Variants in PCDH1 observed in about 807,000 individuals in gnomAD.
PCDH1 encodes protocadherin 1, also known as protocadherin-1.
Under a neutral mutation model 74.6 loss-of-function variants are expected in PCDH1, and 23 were observed. The ratio of observed to expected loss-of-function variants is 0.31; its 90% confidence interval spans 0.22 to 0.44. The LOEUF is 0.44. PCDH1 is among the 20% of genes least tolerant of loss of function. The pLI is 1.00. For synonymous variants in PCDH1, 647 were observed against 686.1 expected (o/e 0.94, Z 0.89); for missense variants, 1,214 against 1,641.4 (o/e 0.74, Z 4.50).
chr5:141,876,130 G>C (rs1044535110), intron 1 of PCDH1, among the ~76,000 whole-genome samples: 2 of 152,170 alleles, frequency 1.3e-5, no homozygotes, highest in African/African-American at 2.4e-5. Context: ...TGTGTGTGTT[G>C]CGGAGATTAG....
intron 1 of PCDH1, among the ~76,000 whole-genome samples, chr5:141,870,770 C>G (rs1753073584): frequency 6.6e-6 from 1 of 152,110 alleles, no homozygotes; most frequent in Admixed American, 6.5e-5. Context: ...TTGAATGCCC[C>G]CTCCTCTCCA....
chr5:141,872,179 C>A (rs1398986061), intron 1 of PCDH1, among the ~76,000 whole-genome samples: 1 of 130,328 alleles, frequency 7.7e-6, no homozygotes, highest in Admixed American at 9.2e-5. Flanking sequence ...CTGACTACTT[C>A]AACCCCAACC....
chr5:141,868,704 G>A lies in PCDH1; in HGVS notation c.768C>T (p.Gly256=), dbSNP rs759847506. 3 of 1,613,994 alleles carry A rather than the reference G, an allele frequency of 1.9e-6. No homozygotes were observed. Among genetic ancestry groups the A allele is most frequent in the Non-Finnish European group, 2.5e-6 (3 of 1,179,912 alleles). Residue 256 remains glycine, a synonymous_variant, in exon 2 of 5, where the codon GGC becomes GGT. Coordinates refer to ENST00000287008, the MANE Select transcript of PCDH1 (RefSeq NM_032420.5). The surrounding 1 kb of genome is among the most constrained non-coding windows in gnomAD (Gnocchi z 4.8). ...GGGCACTGCTGGCGCGTGGGGGGCT[G>A]CCGCCATCCTGCACCTTGATGGTGA... ...YDLTIKVQDG[G]SPPRASSALL...
At position 141,878,218 on chromosome 5, in the gene PCDH1, C is replaced by G. The variant is rs979692614; in HGVS notation, c.40+5G>C. Reference sequence around the variant, plus strand: ...CTGCTGCCTCCACCGCCGCCGGATCCTTACCCGCCTCCGGGCAGCGCCGGC... The same window carrying G: ...CTGCTGCCTCCACCGCCGCCGGATCGTTACCCGCCTCCGGGCAGCGCCGGC... On this transcript the variant is annotated splice_donor_5th_base_variant and intron_variant, in intron 1 of 4. Transcript: ENST00000287008. The surrounding 1 kb of genome is among the most constrained non-coding windows in gnomAD (Gnocchi z 5.5). 7.0e-7 allele frequency: 1 copy of G among 1,420,608 alleles called. No homozygotes were observed. The highest frequency in any genetic ancestry group is 1.5e-5 in the African/African-American group (1 of 66,952). The allele number at this position is 1,420,608 out of a possible 1,614,324, so 88.0% of individuals were successfully genotyped here. A position where few individuals can be genotyped will look rare whatever the true frequency, so the allele number is the denominator to read the frequency against.
chr5:141,872,836 G>T (rs1225433316), intron 1 of PCDH1, among the ~76,000 whole-genome samples: 2 of 152,200 alleles, frequency 1.3e-5, no homozygotes, highest in African/African-American at 4.8e-5. Context: ...GCTCAAGGAA[G>T]GTATGGGATG....
intron 2 of PCDH1, chr5:141,867,695 T>C (rs1259620724): frequency 4.8e-6 from 2 of 420,714 alleles, no homozygotes; most frequent in Non-Finnish European, 4.6e-6. Context: ...TTTTCCAGGA[T>C]GGGTAATGGT....
chr5:141,856,973 T>TC (rs1314610128), intron 4 of PCDH1, among the ~76,000 whole-genome samples: 4 of 152,178 alleles, frequency 2.6e-5, no homozygotes, highest in Admixed American at 2.6e-4. Flanking sequence ...TGGGTTTGAA[T>TC]CCCTCCCAGG....
intron 3 of PCDH1, chr5:141,862,886 C>T: frequency 8.4e-7 from 1 of 1,192,576 alleles, no homozygotes; most frequent in Non-Finnish European, 1.0e-6. Context: ...GAGTAGACTT[C>T]TTACCCATTT....
At chr5:141,859,126 G>A (rs749422441) in intron 3 of PCDH1, among the ~76,000 whole-genome samples, 4 of 152,134 alleles carry the variant, frequency 2.6e-5, no homozygotes, top group Non-Finnish European at 5.9e-5. Context: ...GTTTGGGGCC[G>A]GGAGGCTATA....
chr5:141,872,059 A>T (rs1490650231), intron 1 of PCDH1, among the ~76,000 whole-genome samples: 8 of 151,940 alleles, frequency 5.3e-5, no homozygotes, highest in Admixed American at 5.2e-4. Flanking sequence ...GCGTTATCAG[A>T]TTGGTGTGAA....
Position 141,863,324 on chromosome 5 carries a change from ATG to A in PCDH1, c.3005_3006del (p.Thr1002IlefsTer13). On this transcript the variant is annotated frameshift_variant, in exon 3 of 5. Transcript: ENST00000287008. LOFTEE classifies it high-confidence loss of function. The surrounding 1 kb of genome is among the most constrained non-coding windows in gnomAD (Gnocchi z 7.5). ...GACGTGGTGTCCCCGGTGCCCACGA[ATG>A]TGTTTGCAGGTGGCAGGTCCTGTAC... ...QVVQDLPPANTFVGTGDTTST... is the reference protein window; with the variant it reads ...QVVQDLPPANXFVGTGDTTST... 6.5e-7 allele frequency: 1 copy of A among 1,549,254 alleles called. No homozygotes were observed. The highest frequency in any genetic ancestry group is 8.7e-7 in the Non-Finnish European group (1 of 1,146,508).
chr5:141,872,120 CA>C (rs1753108731), intron 1 of PCDH1, among the ~76,000 whole-genome samples: 2 of 130,498 alleles, frequency 1.5e-5, no homozygotes, highest in African/African-American at 6.7e-5. Context: ...CATTTGGATC[CA>C]CCCCCCACCC....
rs577706857 is a variant in PCDH1, at chr5:141,870,256, G to A, written c.41-825C>T. On this transcript the variant is annotated intron_variant, in intron 1 of 4. Coordinates refer to ENST00000287008, the MANE Select transcript of PCDH1 (RefSeq NM_032420.5). ...AGAACGTGCACACAGGCCACAGAGC[G>A]TGCACACATGCCCCAGAGCATGCAC... Among the ~76,000 whole-genome samples, 137 of 152,150 alleles carry A rather than the reference G, an allele frequency of 9.0e-4. 1 individual carries two copies. In the South Asian group the frequency reaches 0.016, roughly 18 times the overall value.
chr5:141,869,310 T>G lies in PCDH1; in HGVS notation c.162A>C (p.Pro54=), dbSNP rs1388880501. The G allele has an allele frequency of 3.7e-6, 6 of 1,602,104 alleles. No homozygotes were observed. The highest frequency in any genetic ancestry group is 5.1e-6 in the Non-Finnish European group (6 of 1,174,918). Residue 54 remains proline (P), a synonymous_variant, in exon 2 of 5, where the codon CCA becomes CCC. Coordinates refer to ENST00000287008, the MANE Select transcript of PCDH1 (RefSeq NM_032420.5). This position sits in a 1 kb window ranked among gnomAD's most constrained non-coding sequence, Gnocchi z 4.9. The part of the protein sequence containing the change: ...LALLLLLAPS[P]GHATRVVYKV... ...TGTACACTACCCGAGTGGCGTGGCC[T>G]GGGGATGGAGCCAGCAGGAGCAGCA...
At chr5:141,874,893 C>T (rs907353270) in intron 1 of PCDH1, among the ~76,000 whole-genome samples, 3 of 152,050 alleles carry the variant, frequency 2.0e-5, no homozygotes, top group Non-Finnish European at 4.4e-5. Flanking sequence ...CAGAAGCCTC[C>T]CACAGAGAGC....
In PCDH1 at chr5:141,863,452, G is replaced by A. The variant is rs1752659100; in HGVS notation, c.2879C>T (p.Pro960Leu). The change falls in exon 3 of 5, where the codon CCA (proline) becomes CTA (leucine). Residue 960 changes from proline to leucine, a missense_variant. Transcript: ENST00000287008. The surrounding 1 kb of genome is among the most constrained non-coding windows in gnomAD (Gnocchi z 7.5). ...PRIHLPLNYP[P>L]GSPDLGRHYR... ...GTGGCGGCCCAGGTCAGGGCTGCCT[G>A]GTGGGTAGTTGAGGGGCAGGTGGAT... The A allele has an allele frequency of 4.4e-6, 7 of 1,575,686 alleles. No individual in the cohort carries two copies. The East Asian group carries it at 1.1e-4, about 25-fold the overall frequency.
Position 141,854,281 on chromosome 5 carries a change from G to T in PCDH1, c.3475C>A (p.Gln1159Lys). The change falls in exon 5 of 5, where the codon CAG becomes AAG. Residue 1159 changes from glutamine to lysine, a missense_variant. Transcript: ENST00000287008. The stretch of plus-strand genomic sequence containing the variant: ...GCAGGCTCCTGCCCTCCTCGGTCCT[G>T]GTAAGGCACGAAGGTGGAGAGTTTG... Reference protein sequence around the residue: ...ALKLSTFVPYQDRGGQEPAGA... With the variant: ...ALKLSTFVPYKDRGGQEPAGA... The T allele has an allele frequency of 6.2e-7, 1 of 1,613,774 alleles. No homozygotes were observed. The highest frequency in any genetic ancestry group is 8.5e-7 in the Non-Finnish European group (1 of 1,179,878).
At chr5:141,872,609 G>A (rs535990225) in intron 1 of PCDH1, among the ~76,000 whole-genome samples, 3 of 152,186 alleles carry the variant, frequency 2.0e-5, no homozygotes, top group African/African-American at 7.2e-5. Context: ...CCTGCCTCAG[G>A]CTTCCTCCAT....
chr5:141,867,411 C>A, intron 2 of PCDH1: 1 of 344,476 alleles, frequency 2.9e-6, no homozygotes, highest in South Asian at 2.3e-5. Flanking sequence ...GGATATCAGG[C>A]GAGTTTTCTA....
Sources: allele counts gnomAD v4.1 joint callset (sites outside exome capture counted in the v4.1 genomes callset), GRCh38; gene constraint gnomAD v4.1.1; non-coding constraint Gnocchi (gnomAD v3.1); transcripts MANE v1.5; gene names NCBI Gene and HGNC (gene_info 2026-07-23, HGNC 2026-07-21).